Variants in ZC3H12B observed in about 807,000 individuals in gnomAD.
ZC3H12B encodes the protein zinc finger CCCH-type containing 12B.
Under a neutral mutation model 43.9 loss-of-function variants are expected in ZC3H12B, and 7 were observed. The observed-to-expected ratio is 0.16, with a 90% CI of 0.09 to 0.30. The LOEUF is 0.30. Ranked by LOEUF, ZC3H12B falls within the 10% of genes least tolerant of loss-of-function variation. The pLI, the probability that ZC3H12B is intolerant of heterozygous loss-of-function variation, is 1.00. For missense variants in ZC3H12B, 475 were observed against 670.2 expected (o/e 0.71, Z 3.22); for synonymous variants, 222 against 241.7 (o/e 0.92, Z 0.76).
At chrX:65,376,429 G>A (rs189376976) in intron 2 of ZC3H12B, among the ~76,000 whole-genome samples, 1 of 111,462 alleles carries the variant, frequency 9.0e-6, no homozygotes, top group African/African-American at 3.3e-5. Context: ...AGTGAAAATA[G>A]GTGGTAGCCA....
At chrX:65,359,091 A>C in the ZC3H12B span, among the ~76,000 whole-genome samples, 39 of 111,421 alleles carry the variant, frequency 3.5e-4, no homozygotes, top group African/African-American at 1.2e-3. Flanking sequence ...ATATAACAGC[A>C]TATCTGTTTA....
At chrX:65,359,390 A>G in the ZC3H12B span, among the ~76,000 whole-genome samples, 1 of 111,881 alleles carries the variant, frequency 8.9e-6, no homozygotes, top group Non-Finnish European at 1.9e-5. Context: ...TGAACCTGGG[A>G]AAAAGTAAAT....
the ZC3H12B span, among the ~76,000 whole-genome samples, chrX:65,292,626 G>GTT: frequency 6.4e-4 from 66 of 102,649 alleles, no homozygotes; most frequent in African/African-American, 2.2e-3. Flanking sequence ...TAAAATAGAA[G>GTT]TTTTTTTTTT....
the ZC3H12B span, among the ~76,000 whole-genome samples, chrX:65,091,744 A>G: frequency 8.9e-6 from 1 of 112,163 alleles, no homozygotes; most frequent in Non-Finnish European, 1.9e-5. Context: ...GCAGTGTTCA[A>G]ATACCGGTTT....
exon 5 of ZC3H12B, chrX:65,505,257 G>A (rs2068414030): frequency 1.8e-5 from 2 of 112,232 alleles, no homozygotes. Context: ...GTTTCTTCAT[G>A]AGAAGGTGTG....
chrX:65,200,983 A>G, the ZC3H12B span, among the ~76,000 whole-genome samples: 1 of 111,262 alleles, frequency 9.0e-6, no homozygotes, highest in Non-Finnish European at 1.9e-5. Context: ...TTCATCAAGG[A>G]TGTTGGACTT....
intron 2 of ZC3H12B, among the ~76,000 whole-genome samples, chrX:65,382,021 G>A (rs1398501748): frequency 1.8e-5 from 2 of 111,900 alleles, no homozygotes; most frequent in African/African-American, 3.3e-5. Flanking sequence ...TCTACCAGAG[G>A]TACAAGGAGG....
At chrX:65,153,339 C>G in the ZC3H12B span, among the ~76,000 whole-genome samples, 1 of 111,764 alleles carries the variant, frequency 8.9e-6, no homozygotes, top group Admixed American at 9.5e-5. Flanking sequence ...ACTCATCTGA[C>G]AAAGGGCTAA....
intron 3 of ZC3H12B, among the ~76,000 whole-genome samples, chrX:65,445,529 C>T (rs1355901413): frequency 8.9e-6 from 1 of 112,267 alleles, no homozygotes; most frequent in Non-Finnish European, 1.9e-5. Context: ...TAATGAGCTC[C>T]CTGGAGTTAG....
intron 3 of ZC3H12B, among the ~76,000 whole-genome samples, chrX:65,474,270 T>C (rs997885230): frequency 8.9e-6 from 1 of 111,757 alleles, no homozygotes; most frequent in Non-Finnish European, 1.9e-5. Context: ...TTGTCTGATA[T>C]AAGTATGACC....
the ZC3H12B span, among the ~76,000 whole-genome samples, chrX:65,169,869 TG>T: frequency 5.4e-5 from 6 of 112,117 alleles, no homozygotes; most frequent in Non-Finnish European, 7.5e-5. Flanking sequence ...CTGCTTTTTT[TG>T]TTTTCCATTT....
the ZC3H12B span, among the ~76,000 whole-genome samples, chrX:65,114,849 T>G: frequency 9.2e-6 from 1 of 108,948 alleles, no homozygotes; most frequent in African/African-American, 3.3e-5. Context: ...AGACTTTTAT[T>G]CTTTTTTGAC....
exon 5 of ZC3H12B, chrX:65,506,955 C>T (rs1403992470): frequency 1.9e-5 from 2 of 107,518 alleles, no homozygotes; most frequent in African/African-American, 6.7e-5. Context: ...CTCTCTCCCT[C>T]TCTCTCTCTC....
the ZC3H12B span, among the ~76,000 whole-genome samples, chrX:65,339,074 T>A: frequency 8.9e-6 from 1 of 111,941 alleles, no homozygotes; most frequent in African/African-American, 3.2e-5. Context: ...CATCTTTCTT[T>A]CCTGACAAGG....
chrX:65,115,351 C>T, the ZC3H12B span, among the ~76,000 whole-genome samples: 1 of 110,730 alleles, frequency 9.0e-6, no homozygotes, highest in Non-Finnish European at 1.9e-5. Context: ...ATAGTCTGCA[C>T]TTCCATGCAG....
the ZC3H12B span, among the ~76,000 whole-genome samples, chrX:65,228,438 A>G: frequency 1.3e-4 from 14 of 111,376 alleles, no homozygotes; most frequent in South Asian, 3.8e-4. Flanking sequence ...TACTGAATGG[A>G]CAAAAACTGG....
At chrX:65,120,665 G>T in the ZC3H12B span, among the ~76,000 whole-genome samples, 1 of 110,956 alleles carries the variant, frequency 9.0e-6, no homozygotes, top group Non-Finnish European at 1.9e-5. Context: ...GATTGTCCTG[G>T]CCAGAACTTC....
chrX:65,458,766 G>T (rs1004464680), intron 3 of ZC3H12B, among the ~76,000 whole-genome samples: 5 of 111,538 alleles, frequency 4.5e-5, no homozygotes, highest in South Asian at 3.8e-4. Context: ...AGGAAGGATC[G>T]AAAATTGACA....
At chrX:65,214,330 ACAGT>A in the ZC3H12B span, among the ~76,000 whole-genome samples, 4 of 111,921 alleles carry the variant, frequency 3.6e-5, no homozygotes, top group East Asian at 2.8e-4. Flanking sequence ...CAGTTTATCC[ACAGT>A]CAAACTTCTT....
Sources: gnomAD v4.1 joint callset for allele counts (sites outside exome capture counted in the v4.1 genomes callset) on GRCh38, gnomAD v4.1.1 for gene constraint, MANE v1.5 for transcripts, NCBI Gene and HGNC (gene_info 2026-07-23, HGNC 2026-07-21) for gene names.